PUDP: variants seen among roughly 807,000 people sequenced by gnomAD.
PUDP encodes the protein pseudouridine 5'-phosphatase, also known as pseudouridine-5'-phosphatase.
PUDP carries 8 observed loss-of-function variants against 9.4 expected under a neutral mutation model. The ratio of observed to expected loss-of-function variants is 0.85; its 90% CI spans 0.50 to 1.53. The LOEUF (loss-of-function observed/expected upper bound fraction) is 1.53. Ranked by LOEUF, PUDP falls within the 40% of genes most tolerant of loss-of-function variation. The pLI is 0.00. For synonymous variants in PUDP, 99 were observed against 80.7 expected, an observed-to-expected ratio of 1.23 and a Z score of -1.22; for missense variants, 188 against 189.7, an observed-to-expected ratio of 0.99 and a Z score of 0.05.
chrX:6,900,813 C>G (rs941986602), intron 3 of PUDP, among the ~76,000 whole-genome samples: 3 of 108,066 alleles, frequency 2.8e-5, no homozygotes, highest in Admixed American at 1.0e-4. Flanking sequence ...GTGTCTAGCT[C>G]TGTTCCCAGG....
At chrX:6,866,670 T>C (rs1490362548) in intron 3 of PUDP, among the ~76,000 whole-genome samples, 1 of 111,627 alleles carries the variant, frequency 9.0e-6, no homozygotes, top group Non-Finnish European at 1.9e-5. Flanking sequence ...GGCACAAAGA[T>C]GAAGACCAGG....
At chrX:7,042,925 A>G (rs1929941263) in intron 1 of PUDP, among the ~76,000 whole-genome samples, 1 of 111,584 alleles carries the variant, frequency 9.0e-6, no homozygotes, top group Non-Finnish European at 1.9e-5. Context: ...TGTCTCCCCA[A>G]CTATATTACA....
At chrX:6,740,994 A>G (rs1924929116) in intron 3 of PUDP, among the ~76,000 whole-genome samples, 2 of 110,750 alleles carry the variant, frequency 1.8e-5, no homozygotes, top group Non-Finnish European at 3.8e-5. Context: ...CCCCATCTCT[A>G]CTAATAATAC....
At chrX:6,737,151 G>A (rs1338609275) in intron 3 of PUDP, among the ~76,000 whole-genome samples, 2 of 111,050 alleles carry the variant, frequency 1.8e-5, no homozygotes, top group East Asian at 5.7e-4. Flanking sequence ...AGGAAGGCCA[G>A]CTACCACCAA....
intron 3 of PUDP, among the ~76,000 whole-genome samples, chrX:6,886,975 C>T (rs1395504795): frequency 9.4e-6 from 1 of 106,381 alleles, no homozygotes; most frequent in Non-Finnish European, 1.9e-5. Context: ...AAACATGCAG[C>T]TCCAAATATA....
At chrX:6,893,009 C>G (rs1238665822) in intron 3 of PUDP, among the ~76,000 whole-genome samples, 1 of 111,664 alleles carries the variant, frequency 9.0e-6, no homozygotes, top group Non-Finnish European at 1.9e-5. Flanking sequence ...TACCTACTGA[C>G]AAGTTTTTAA....
At chrX:6,790,234 T>C (rs1429112625) in intron 3 of PUDP, among the ~76,000 whole-genome samples, 1 of 111,342 alleles carries the variant, frequency 9.0e-6, no homozygotes, top group African/African-American at 3.3e-5. Flanking sequence ...ATGGATATGA[T>C]ATATAGATGG....
intron 3 of PUDP, among the ~76,000 whole-genome samples, chrX:6,803,072 TAAA>T (rs1284875009): frequency 1.2e-4 from 7 of 60,573 alleles, no homozygotes; most frequent in African/African-American, 1.3e-4. Context: ...TAAAATAAAA[TAAA>T]ATAAAATAAA....
At chrX:6,731,910 T>C (rs887595576) in intron 3 of PUDP, among the ~76,000 whole-genome samples, 12 of 111,770 alleles carry the variant, frequency 1.1e-4, no homozygotes, top group African/African-American at 3.9e-4. Flanking sequence ...TAATGTTAAA[T>C]GCAGGAGAAG....
chrX:7,035,091 A>G (rs111994814), intron 1 of PUDP, among the ~76,000 whole-genome samples: 2,659 of 111,783 alleles, frequency 0.024, 51 homozygotes, highest in Non-Finnish European at 0.037. Context: ...GGATTAAGGG[A>G]TATTAACTTC....
intron 1 of PUDP, among the ~76,000 whole-genome samples, chrX:6,718,007 G>T (rs1206033197): frequency 9.0e-6 from 1 of 110,902 alleles, no homozygotes; most frequent in East Asian, 2.8e-4. Flanking sequence ...GTCTTCTTTT[G>T]ACAAACGTCT....
intron 2 of PUDP, among the ~76,000 whole-genome samples, chrX:7,085,918 C>T (rs1026620297): frequency 1.8e-5 from 2 of 111,687 alleles, no homozygotes; most frequent in Non-Finnish European, 3.8e-5. Flanking sequence ...TACTTGCCTA[C>T]GAAAACTCAA....
chrX:6,981,120 T>C (rs1055894635), intron 1 of PUDP, among the ~76,000 whole-genome samples: 28 of 112,077 alleles, frequency 2.5e-4, no homozygotes, highest in African/African-American at 6.5e-5. Flanking sequence ...CAGCATCAAC[T>C]AAATTCAAAT....
At chrX:6,822,035 A>T (rs1671113765) in intron 3 of PUDP, among the ~76,000 whole-genome samples, 1 of 111,613 alleles carries the variant, frequency 9.0e-6, no homozygotes, top group Non-Finnish European at 1.9e-5. Flanking sequence ...AACTGCCTGC[A>T]TTTCACCACG....
chrX:6,860,422 G>A (rs1926980013), intron 3 of PUDP, among the ~76,000 whole-genome samples: 1 of 110,063 alleles, frequency 9.1e-6, no homozygotes, highest in Admixed American at 9.8e-5. Flanking sequence ...TTACAAGCGT[G>A]AGCCACTGTG....
At chrX:7,002,408 G>C (rs1487079504) in intron 1 of PUDP, among the ~76,000 whole-genome samples, 1 of 111,833 alleles carries the variant, frequency 8.9e-6, no homozygotes. Flanking sequence ...TTCAAGACTG[G>C]CAAATGTTTT....
At chrX:6,745,712 T>C (rs1924992100) in intron 3 of PUDP, among the ~76,000 whole-genome samples, 1 of 111,839 alleles carries the variant, frequency 8.9e-6, no homozygotes, top group Admixed American at 9.5e-5. Flanking sequence ...GGCACAATTA[T>C]AGCTCACTGC....
rs374417840 is a variant in PUDP, at chrX:7,077,352, G to A, written c.378C>T (p.Arg126=). Residue 126 remains arginine (R), a synonymous_variant, in exon 3 of 4, where the codon CGC becomes CGT. Coordinates refer to ENST00000381077, the MANE Select transcript of PUDP (RefSeq NM_012080.5). ...GSASFDMKTS[R]HKEFFSLFSH... ...AAAACAAGCTGAAGAACTCCTTGTGGCGGCTTGTCTTCATATCGAACGACG... is the reference window on the plus strand; with the variant it reads ...AAAACAAGCTGAAGAACTCCTTGTGACGGCTTGTCTTCATATCGAACGACG... The A allele has an allele frequency of 2.6e-4, 313 of 1,209,042 alleles. 2 individuals carry two copies. In the African/African-American group the frequency reaches 4.9e-3, roughly 19 times the overall value.
At chrX:6,912,761 A>C (rs1927867715) in intron 3 of PUDP, among the ~76,000 whole-genome samples, 1 of 112,470 alleles carries the variant, frequency 8.9e-6, no homozygotes, top group Non-Finnish European at 1.9e-5. Flanking sequence ...AAAATATCAC[A>C]CATTTTCATT....
Sources: allele counts gnomAD v4.1 joint callset (sites outside exome capture counted in the v4.1 genomes callset), GRCh38; gene constraint gnomAD v4.1.1; transcripts MANE v1.5; gene names NCBI Gene and HGNC (gene_info 2026-07-23, HGNC 2026-07-21).